The following NRXN3 variants were observed in gnomAD, a reference collection of about 807,000 sequenced individuals.
NRXN3 encodes neurexin 3, also known as neurexin III.
In NRXN3, 32 loss-of-function variants were observed where a neutral mutation model predicts 137.6. That is an observed-to-expected ratio of 0.23 (90% confidence interval 0.18 to 0.31). NRXN3 has a LOEUF of 0.31. NRXN3 is among the 10% of genes least tolerant of loss of function. NRXN3 has a pLI of 1.00. For missense variants in NRXN3, 1,574 were observed against 2,062.5 expected, an observed-to-expected ratio of 0.76 and a Z score of 4.59; for synonymous variants, 798 against 784.5, an observed-to-expected ratio of 1.02 and a Z score of -0.29.
chr14:78,965,946 C>A lies in NRXN3; in HGVS notation c.2396-79C>A. On this transcript the variant is annotated intron_variant, in intron 11 of 20. Transcript: ENST00000335750. ...GAATATTCTGTGTGGAAACAGGTTA[C>A]ACCCAAAAAATATACTTGAGGGTGC... The A allele has an allele frequency of 2.0e-6, 3 of 1,491,858 alleles. No homozygotes were observed. In the South Asian group the frequency reaches 3.9e-5, roughly 19 times the overall value. 92.4% of individuals were successfully genotyped at this position (1,491,858 alleles called of 1,614,324 possible). A position where few individuals can be genotyped will look rare whatever the true frequency, so the allele number is the denominator to read the frequency against.
intron 15 of NRXN3, among the ~76,000 whole-genome samples, chr14:79,325,437 T>C (rs115380506): frequency 0.021 from 3,185 of 152,294 alleles, 112 homozygotes; most frequent in African/African-American, 0.073. Flanking sequence ...TTTTGAGGTC[T>C]GGACATAATC....
intron 8 of NRXN3, among the ~76,000 whole-genome samples, chr14:78,715,564 G>A (rs1352053349): frequency 6.6e-6 from 1 of 152,114 alleles, no homozygotes; most frequent in South Asian, 2.1e-4. Flanking sequence ...TGTTTTTATG[G>A]AGCTTGCTGC....
intron 15 of NRXN3, among the ~76,000 whole-genome samples, chr14:79,086,645 G>A (rs539826590): frequency 3.3e-5 from 5 of 152,272 alleles, no homozygotes; most frequent in Admixed American, 1.3e-4. Context: ...TTTAATGAAA[G>A]GATACGTCGA....
intron 4 of NRXN3, among the ~76,000 whole-genome samples, chr14:78,476,398 A>G (rs576867959): frequency 6.6e-6 from 1 of 152,354 alleles, no homozygotes; most frequent in East Asian, 1.9e-4. Flanking sequence ...GGAGCCAGCT[A>G]TGCAGAAAGC....
intron 16 of NRXN3, among the ~76,000 whole-genome samples, chr14:79,620,705 T>C (rs978095862): frequency 6.6e-5 from 10 of 152,134 alleles, no homozygotes; most frequent in African/African-American, 2.2e-4. Flanking sequence ...GGTTTTCTAA[T>C]GTTTGAGATG....
intron 10 of NRXN3, among the ~76,000 whole-genome samples, chr14:78,852,330 G>A (rs1292753444): frequency 1.3e-5 from 2 of 152,168 alleles, no homozygotes; most frequent in African/African-American, 2.4e-5. Flanking sequence ...TGTTGCTGCT[G>A]TTGTAGTATT....
intron 6 of NRXN3, among the ~76,000 whole-genome samples, chr14:78,677,827 C>G (rs978197689): frequency 2.0e-5 from 3 of 152,150 alleles, no homozygotes; most frequent in Non-Finnish European, 2.9e-5. Context: ...AACCACTAGC[C>G]TGATCAGTGG....
At chr14:78,829,129 A>G (rs530638013) in intron 10 of NRXN3, among the ~76,000 whole-genome samples, 14 of 152,260 alleles carry the variant, frequency 9.2e-5, no homozygotes, top group African/African-American at 3.4e-4. Flanking sequence ...TTGAGAAGGG[A>G]AAGGGACTGT....
At chr14:78,454,931 AT>A (rs2094648931) in intron 4 of NRXN3, among the ~76,000 whole-genome samples, 1 of 152,124 alleles carries the variant, frequency 6.6e-6, no homozygotes. Context: ...AGGAGTTTGG[AT>A]TCTGCCATAG....
At chr14:78,701,328 A>C (rs1241103794) in intron 6 of NRXN3, among the ~76,000 whole-genome samples, 3 of 152,204 alleles carry the variant, frequency 2.0e-5, no homozygotes, top group Admixed American at 2.0e-4. Context: ...TACTTGTTAA[A>C]GCCTACGCTT....
chr14:78,880,067 G>A (rs905073307), intron 10 of NRXN3, among the ~76,000 whole-genome samples: 1 of 148,318 alleles, frequency 6.7e-6, no homozygotes, highest in African/African-American at 2.6e-5. Context: ...GTGAAACCCC[G>A]TCTCTACTAA....
intron 1 of NRXN3, among the ~76,000 whole-genome samples, chr14:78,212,024 C>G (rs1250606234): frequency 6.6e-6 from 1 of 152,166 alleles, no homozygotes; most frequent in East Asian, 1.9e-4. Context: ...GAGCCTCCTA[C>G]TTTGTTAGAA....
intron 4 of NRXN3, among the ~76,000 whole-genome samples, chr14:78,381,547 C>A (rs2089117324): frequency 6.6e-6 from 1 of 152,122 alleles, no homozygotes; most frequent in Admixed American, 6.6e-5. Context: ...GCAATAACTG[C>A]ATGACCCAGC....
intron 12 of NRXN3, 133 bp from the exon 13 acceptor site, chr14:78,967,075 G>A: frequency 1.4e-6 from 1 of 709,844 alleles, no homozygotes; most frequent in Non-Finnish European, 2.3e-6. Flanking sequence ...CTCATATCAA[G>A]ATTTAAATTA....
intron 8 of NRXN3, among the ~76,000 whole-genome samples, chr14:78,732,862 C>G (rs2098522979): frequency 6.6e-6 from 1 of 152,138 alleles, no homozygotes; most frequent in South Asian, 2.1e-4. Flanking sequence ...GGATAAGGTT[C>G]TCAGACACTT....
chr14:78,825,263 T>A (rs1205902720), intron 10 of NRXN3, among the ~76,000 whole-genome samples: 1 of 150,458 alleles, frequency 6.6e-6, no homozygotes, highest in South Asian at 2.1e-4. Flanking sequence ...ATTCTTTTTA[T>A]AGGCTTCTGT....
At chr14:78,877,147 C>A (rs1257423046) in intron 10 of NRXN3, among the ~76,000 whole-genome samples, 4 of 152,180 alleles carry the variant, frequency 2.6e-5, no homozygotes, top group African/African-American at 4.8e-5. Context: ...CATTCAATTG[C>A]TTCTTGGCTG....
At chr14:78,610,610 C>A (rs1294775761) in intron 4 of NRXN3, among the ~76,000 whole-genome samples, 1 of 152,200 alleles carries the variant, frequency 6.6e-6, no homozygotes, top group African/African-American at 2.4e-5. Context: ...GTGAAAAAAC[C>A]AAATACCTTC....
chr14:79,272,160 T>C (rs147803874), intron 15 of NRXN3, among the ~76,000 whole-genome samples: 16 of 152,254 alleles, frequency 1.1e-4, no homozygotes, highest in South Asian at 4.1e-4. Flanking sequence ...CTTATCACAT[T>C]GTATTTGGGA....
Sources: allele counts gnomAD v4.1 joint callset (sites outside exome capture counted in the v4.1 genomes callset), GRCh38; gene constraint gnomAD v4.1.1; transcripts MANE v1.5; gene names NCBI Gene and HGNC (gene_info 2026-07-23, HGNC 2026-07-21).